Variants in TTC27 observed in about 807,000 individuals in gnomAD.
TTC27 encodes tetratricopeptide repeat protein 27.
TTC27 carries 79 observed loss-of-function variants against 115.9 expected under a neutral mutation model. The ratio of observed to expected loss-of-function variants is 0.68; its 90% confidence interval spans 0.57 to 0.82. The LOEUF (loss-of-function observed/expected upper bound fraction) is 0.82, where lower values mean the gene tolerates loss of function less well. TTC27 is among the 40% of genes least tolerant of loss of function. TTC27 has a pLI of 0.00. For synonymous variants in TTC27, 401 were observed against 356.0 expected (o/e 1.13, Z -1.42); for missense variants, 1,054 against 993.1 (o/e 1.06, Z -0.82).
intron 8 of TTC27, among the ~76,000 whole-genome samples, chr2:32,678,266 A>G (rs1174041498): frequency 6.6e-6 from 1 of 151,942 alleles, no homozygotes; most frequent in Non-Finnish European, 1.5e-5. Flanking sequence ...AAAAAAAAAA[A>G]AAAAAAAGAT....
intron 16 of TTC27, among the ~76,000 whole-genome samples, chr2:32,796,266 A>G (rs1165432552): frequency 6.6e-6 from 1 of 152,210 alleles, no homozygotes; most frequent in Non-Finnish European, 1.5e-5. Flanking sequence ...CTTGGACCAC[A>G]AAAACTAGAA....
chr2:32,780,370 T>G (rs1670133614), intron 14 of TTC27, among the ~76,000 whole-genome samples: 1 of 152,208 alleles, frequency 6.6e-6, no homozygotes, highest in African/African-American at 2.4e-5. Context: ...GTTTTACACC[T>G]CTTTTGTTAA....
At chr2:32,715,895 C>A (rs1452614707) in intron 10 of TTC27, among the ~76,000 whole-genome samples, 1 of 151,196 alleles carries the variant, frequency 6.6e-6, no homozygotes, top group South Asian at 2.1e-4. Context: ...GATGGAATTA[C>A]CACACTCTGC....
At chr2:32,753,065 A>G (rs1030943564) in intron 12 of TTC27, among the ~76,000 whole-genome samples, 7 of 152,182 alleles carry the variant, frequency 4.6e-5, no homozygotes, top group Admixed American at 2.0e-4. Flanking sequence ...CGTAGTTGCA[A>G]TCAGATGGTG....
rs779120736 is a variant in TTC27, at chr2:32,798,715, ATAAT to A, written c.1998+11567_1998+11570del. On this transcript the variant is annotated intron_variant, in intron 16 of 19. Coordinates refer to ENST00000317907, the MANE Select transcript of TTC27 (RefSeq NM_017735.5). ...GCGAGACTCCAGCTCAAAAAAAAAA[ATAAT>A]AATAATAATAATAATAATAAGTGTT... 4.5e-4 allele frequency among the ~76,000 whole-genome samples: 58 copies of A among 129,724 alleles called. 1 individual carries two copies. The highest frequency in any genetic ancestry group is 7.3e-4 in the South Asian group (3 of 4,114). 85.1% of individuals were successfully genotyped at this position (129,724 alleles called of 152,430 possible). A position where few individuals can be genotyped will look rare whatever the true frequency, so the allele number is the denominator to read the frequency against.
rs947018220 is a variant in TTC27 at position 32,644,341 on chromosome 2, ACT to A, written c.537+3934_537+3935del. 4.0e-5 allele frequency among the ~76,000 whole-genome samples: 6 copies of A among 150,750 alleles called. No homozygotes were observed. In the South Asian group the frequency reaches 8.4e-4, roughly 21 times the overall value. ...ACTCCAGCCGAGGCGACAGAGTGAGACTCTGTCTCCAAAAAAAAAAAAAGTAT... is the reference window on the plus strand; with the variant it reads ...ACTCCAGCCGAGGCGACAGAGTGAGACTGTCTCCAAAAAAAAAAAAAGTAT... On this transcript the variant is annotated intron_variant, in intron 4 of 19. Transcript: ENST00000317907.
At chr2:32,798,161 C>G (rs1670776023) in intron 16 of TTC27, among the ~76,000 whole-genome samples, 1 of 150,646 alleles carries the variant, frequency 6.6e-6, no homozygotes, top group Non-Finnish European at 1.5e-5. Flanking sequence ...AATCCCAGCA[C>G]TTTGGGAGGC....
chr2:32,663,223 TG>T (rs1665620121), intron 5 of TTC27, among the ~76,000 whole-genome samples: 1 of 152,146 alleles, frequency 6.6e-6, no homozygotes, highest in Non-Finnish European at 1.5e-5. Context: ...CATTGGGGTA[TG>T]AAAAAACTTC....
In TTC27 at chr2:32,777,925, A is replaced by G; in HGVS notation, c.1724A>G (p.Glu575Gly). ...CTCGGTTGTGCCTATTTGGCCTTGG[A>G]AGACTATCAAGGTTCAGCAAAGGCA... is the stretch of plus-strand genomic sequence containing the variant. ...FSLGCAYLAL[E>G]DYQGSAKAFQ... The change falls in exon 14 of 20, where the codon GAA becomes GGA. Residue 575 changes from glutamate to glycine, a missense_variant. Transcript: ENST00000317907. 1 of 1,614,008 alleles carries G rather than the reference A, an allele frequency of 6.2e-7. No individual in the cohort carries two copies. The highest frequency in any genetic ancestry group is 8.5e-7 in the Non-Finnish European group (1 of 1,179,990).
intron 16 of TTC27, among the ~76,000 whole-genome samples, chr2:32,792,353 G>T (rs1206057804): frequency 6.6e-6 from 1 of 152,148 alleles, no homozygotes; most frequent in Non-Finnish European, 1.5e-5. Context: ...CCATTTAACT[G>T]TTGAGGTACC....
At chr2:32,705,813 C>A (rs58987318) in intron 10 of TTC27, among the ~76,000 whole-genome samples, 27,378 of 152,156 alleles carry the variant, frequency 0.18, 3,024 homozygotes, top group South Asian at 0.39. Context: ...CTTGGCCTCC[C>A]AAAGTGCTTG....
chr2:32,766,169 T>G (rs1009684801), intron 13 of TTC27, among the ~76,000 whole-genome samples: 3 of 152,250 alleles, frequency 2.0e-5, no homozygotes, highest in Non-Finnish European at 4.4e-5. Context: ...AGCTTTCTTT[T>G]CATTTGATAC....
intron 12 of TTC27, among the ~76,000 whole-genome samples, chr2:32,754,878 A>G (rs1284461042): frequency 1.5e-5 from 2 of 136,424 alleles, no homozygotes. Context: ...GGGGGGGCTG[A>G]CCCCCCCCAC....
At chr2:32,820,666 G>T in intron 19 of TTC27, 150 bp from the exon 20 acceptor site, 3 of 567,192 alleles carry the variant, frequency 5.3e-6, no homozygotes, top group Admixed American at 4.3e-5. Flanking sequence ...TACATTTCTT[G>T]GCTAGTGAAC....
intron 10 of TTC27, among the ~76,000 whole-genome samples, chr2:32,708,839 A>C (rs769199988): frequency 2.0e-5 from 3 of 152,114 alleles, no homozygotes; most frequent in African/African-American, 7.2e-5. Flanking sequence ...CCATGACTCT[A>C]TCTGCTCCCT....
chr2:32,637,620 C>T (rs1376493971), intron 3 of TTC27, among the ~76,000 whole-genome samples: 9 of 152,156 alleles, frequency 5.9e-5, no homozygotes, highest in African/African-American at 1.7e-4. Flanking sequence ...TGTGAGCCAC[C>T]GGGCCTGGCC....
chr2:32,727,623 A>G (rs540233651), intron 10 of TTC27, among the ~76,000 whole-genome samples: 1 of 152,276 alleles, frequency 6.6e-6, no homozygotes, highest in African/African-American at 2.4e-5. Context: ...ACAAAATATT[A>G]TATTGCAACA....
In TTC27 at chr2:32,758,358, G is replaced by A. The variant is rs1056157851; in HGVS notation, c.1519G>A (p.Asp507Asn). ...ETPSLYCLLG[D>N]VLGDHSCYDK... ...GCCTAGTTTATACTGCTTGCTTGGAGATGTCCTCGGAGACCATTCTTGCTA... is the reference window on the plus strand; with the variant it reads ...GCCTAGTTTATACTGCTTGCTTGGAAATGTCCTCGGAGACCATTCTTGCTA... Residue 507 changes from aspartate (D) to asparagine (N), a missense_variant, in exon 13 of 20, where the codon GAT becomes AAT. Transcript: ENST00000317907. The A allele has an allele frequency of 6.2e-7, 1 of 1,614,212 alleles. No individual in the cohort carries two copies. Among genetic ancestry groups the A allele is most frequent in the Non-Finnish European group, 8.5e-7 (1 of 1,180,044 alleles).
At chr2:32,725,684 G>A (rs956845645) in intron 10 of TTC27, among the ~76,000 whole-genome samples, 1 of 152,168 alleles carries the variant, frequency 6.6e-6, no homozygotes, top group Non-Finnish European at 1.5e-5. Context: ...ACCATTCTGG[G>A]GTCTGGAGGA....
Sources: gnomAD v4.1 joint callset for allele counts (sites outside exome capture counted in the v4.1 genomes callset) on GRCh38, gnomAD v4.1.1 for gene constraint, MANE v1.5 for transcripts, NCBI Gene and HGNC (gene_info 2026-07-23, HGNC 2026-07-21) for gene names.